SNCAIP: variants seen among roughly 807,000 people sequenced by gnomAD.
The protein encoded by SNCAIP is synuclein alpha interacting protein.
In SNCAIP, 43 loss-of-function variants were observed where a neutral mutation model predicts 86.7. The observed-to-expected ratio is 0.50, with a 90% CI of 0.39 to 0.64. The LOEUF (loss-of-function observed/expected upper bound fraction) is 0.64. Ranked by LOEUF, SNCAIP falls within the 30% of genes least tolerant of loss-of-function variation. The pLI is 0.00. For missense variants in SNCAIP, 981 were observed against 1,103.1 expected (o/e 0.89, Z 1.57); for synonymous variants, 417 against 427.2 (o/e 0.98, Z 0.29).
Position 122,463,590 on chromosome 5 carries a change from T to G in SNCAIP, c.*94T>G. 7.2e-7 allele frequency: 1 copy of G among 1,392,350 alleles called. No homozygotes were observed. The highest frequency in any genetic ancestry group is 1.0e-6 in the Non-Finnish European group (1 of 985,786). 86.2% of individuals were successfully genotyped at this position (1,392,350 alleles called of 1,614,324 possible). ...TCTTCTTGTAAATCACTTTTTAAAT[T>G]TTCTCTCACTGATGCCCTTTGGAAA... is the stretch of plus-strand genomic sequence containing the variant. On this transcript the variant is annotated 3_prime_UTR_variant, in exon 11 of 11. Coordinates refer to ENST00000261368, the MANE Select transcript of SNCAIP (RefSeq NM_005460.4).
At chr5:122,404,501 T>G (rs919203124) in intron 3 of SNCAIP, among the ~76,000 whole-genome samples, 3 of 152,156 alleles carry the variant, frequency 2.0e-5, no homozygotes, top group Non-Finnish European at 4.4e-5. Context: ...AAATTAAGCT[T>G]CTCTTCTTTT....
Position 122,451,221 on chromosome 5 carries a change from G to A in SNCAIP, c.2374G>A (p.Ala792Thr), listed in dbSNP as rs753618958. Reference protein sequence around the residue: ...SPDSTAAQKVATSPKSALKSP... With the variant: ...SPDSTAAQKVTTSPKSALKSP... ...TGACAGTACTGCTGCCCAGAAAGTTGCCACAAGTCCCAAGAGTGCCCTCAA... is the reference window on the plus strand; with the variant it reads ...TGACAGTACTGCTGCCCAGAAAGTTACCACAAGTCCCAAGAGTGCCCTCAA... The change falls in exon 10 of 11, where the codon GCC becomes ACC. Residue 792 changes from alanine to threonine, a missense_variant. Transcript: ENST00000261368. The A allele has an allele frequency of 3.7e-6, 6 of 1,614,106 alleles. No homozygotes were observed. The highest frequency in any genetic ancestry group is 1.7e-5 in the Admixed American group (1 of 60,014).
chr5:122,451,560 G>A lies in SNCAIP; in HGVS notation c.2713G>A (p.Gly905Arg), dbSNP rs1345614170. Residue 905 changes from glycine to arginine, a missense_variant, in exon 10 of 11, where the codon GGA becomes AGA. Gly to Arg is a moderately radical substitution (Grantham distance 125). Transcript: ENST00000261368. The stretch of plus-strand genomic sequence containing the variant: ...ACTTGGGAGGAAGACAGATGCCAAG[G>A]GAAACCCTGCCAGCTCCGCTAGCAA... ...TSLGRKTDAK[G>R]NPASSASKGK... 1.2e-6 allele frequency: 2 copies of A among 1,613,638 alleles called. No homozygotes were observed. Among genetic ancestry groups the A allele is most frequent in the Admixed American group, 1.7e-5 (1 of 60,018 alleles).
At chr5:122,450,015 A>G in intron 9 of SNCAIP, 78 bp downstream of exon 9, 2 of 988,500 alleles carry the variant, frequency 2.0e-6, no homozygotes, top group Non-Finnish European at 3.2e-6. Flanking sequence ...CCTTTGATAT[A>G]TTTTAAGAGG....
At chr5:122,442,615 T>C (rs1007731244) in intron 7 of SNCAIP, among the ~76,000 whole-genome samples, 2 of 152,330 alleles carry the variant, frequency 1.3e-5, no homozygotes, top group African/African-American at 4.8e-5. Flanking sequence ...GGAAATATGA[T>C]TGAATAAACA....
At chr5:122,392,906 A>G (rs1386470612) in intron 2 of SNCAIP, among the ~76,000 whole-genome samples, 1 of 152,242 alleles carries the variant, frequency 6.6e-6, no homozygotes, top group Non-Finnish European at 1.5e-5. Flanking sequence ...AAGGGAAAAC[A>G]CTAGGCATAA....
chr5:122,450,416 T>C, intron 9 of SNCAIP, 117 bp from the exon 10 acceptor site: 1 of 807,810 alleles, frequency 1.2e-6, no homozygotes, highest in Non-Finnish European at 2.2e-6. Flanking sequence ...TATGTACTTA[T>C]CTGTATTCTG....
chr5:122,458,284 T>C (rs1785273440), intron 10 of SNCAIP, among the ~76,000 whole-genome samples: 3 of 152,092 alleles, frequency 2.0e-5, no homozygotes, highest in African/African-American at 7.2e-5. Context: ...ACCAGACCAT[T>C]TGCTTTCAAC....
At chr5:122,450,077 C>A in intron 9 of SNCAIP, 140 bp downstream of exon 9, 2 of 685,194 alleles carry the variant, frequency 2.9e-6, no homozygotes, top group Admixed American at 5.0e-5. Flanking sequence ...AATGAGAAAT[C>A]ACAGTGAAAA....
At chr5:122,324,720 C>G (rs1038931514) in intron 1 of SNCAIP, among the ~76,000 whole-genome samples, 1 of 152,240 alleles carries the variant, frequency 6.6e-6, no homozygotes, top group Non-Finnish European at 1.5e-5. Context: ...GAAGGTTTCA[C>G]TGCTCAGCCA....
At chr5:122,316,014 A>C (rs76594136) in intron 1 of SNCAIP, among the ~76,000 whole-genome samples, 25,959 of 152,132 alleles carry the variant, frequency 0.17, 2,305 homozygotes, top group South Asian at 0.3. Flanking sequence ...AAAAATCAAT[A>C]AGGGATTTAT....
intron 8 of SNCAIP, among the ~76,000 whole-genome samples, chr5:122,447,090 A>G (rs1425157697): frequency 6.6e-6 from 1 of 152,192 alleles, no homozygotes; most frequent in Non-Finnish European, 1.5e-5. Flanking sequence ...ACAGACATGC[A>G]CACGGGGAGA....
intron 5 of SNCAIP, among the ~76,000 whole-genome samples, chr5:122,429,175 A>G (rs1777915696): frequency 6.6e-6 from 1 of 151,962 alleles, no homozygotes; most frequent in Non-Finnish European, 1.5e-5. Flanking sequence ...AGCAGCACTT[A>G]GAGGGAGATT....
intron 2 of SNCAIP, among the ~76,000 whole-genome samples, chr5:122,402,363 T>G (rs981480566): frequency 2.6e-5 from 4 of 152,132 alleles, no homozygotes; most frequent in African/African-American, 9.7e-5. Context: ...TACAGGTTAA[T>G]TTTGGGTTTA....
chr5:122,405,538 A>G (rs1772793386), intron 3 of SNCAIP, among the ~76,000 whole-genome samples: 1 of 152,204 alleles, frequency 6.6e-6, no homozygotes, highest in Admixed American at 6.5e-5. Flanking sequence ...GAAGTTAAAT[A>G]TCTTACCCAG....
chr5:122,342,092 A>G (rs1354278071), intron 1 of SNCAIP, among the ~76,000 whole-genome samples: 1 of 152,152 alleles, frequency 6.6e-6, no homozygotes, highest in Non-Finnish European at 1.5e-5. Context: ...TTTGCCCATC[A>G]GCTGCCCATT....
chr5:122,444,008 T>A (rs1168914429), intron 7 of SNCAIP: 1 of 454,078 alleles, frequency 2.2e-6, no homozygotes, highest in Non-Finnish European at 4.4e-6. Flanking sequence ...CACAGACATG[T>A]CCTCACCATA....
chr5:122,377,190 T>A (rs571316265), intron 1 of SNCAIP, among the ~76,000 whole-genome samples: 3 of 152,248 alleles, frequency 2.0e-5, no homozygotes, highest in African/African-American at 7.2e-5. Context: ...GAAATTTCCT[T>A]AGCTGTATTG....
At chr5:122,403,145 CTG>C (rs1446909325) in intron 2 of SNCAIP, among the ~76,000 whole-genome samples, 4 of 152,170 alleles carry the variant, frequency 2.6e-5, no homozygotes, top group African/African-American at 4.8e-5. Context: ...GGTGCTGAAA[CTG>C]AGCCTGGAGG....
Sources: gnomAD v4.1 joint callset for allele counts (sites outside exome capture counted in the v4.1 genomes callset) on GRCh38, gnomAD v4.1.1 for gene constraint, MANE v1.5 for transcripts, NCBI Gene and HGNC (gene_info 2026-07-23, HGNC 2026-07-21) for gene names.